The following KLHL6 variants were observed in gnomAD, a reference collection of about 807,000 sequenced individuals.
KLHL6 encodes the protein kelch like family member 6.
KLHL6 carries 41 observed loss-of-function variants against 58.6 expected under a neutral mutation model. That is an observed-to-expected ratio of 0.70 (90% CI 0.55 to 0.91). The LOEUF (loss-of-function observed/expected upper bound fraction) is 0.91. KLHL6 is among the 40% of genes least tolerant of loss of function. The probability of loss-of-function intolerance (pLI) is 0.00; values close to 1 mark genes in which losing one functional copy is unlikely to be tolerated. For synonymous variants in KLHL6, 338 were observed against 322.7 expected (o/e 1.05, Z -0.51); for missense variants, 714 against 805.6 (o/e 0.89, Z 1.38).
chr3:183,553,954 G>A (rs13097424), intron 1 of KLHL6, among the ~76,000 whole-genome samples: 262 of 144,494 alleles, frequency 1.8e-3, no homozygotes, highest in Non-Finnish European at 3.3e-3. Flanking sequence ...GAATTACAAA[G>A]AAACGTTTCC....
At chr3:183,510,786 A>G (rs1718160586) in intron 2 of KLHL6, among the ~76,000 whole-genome samples, 1 of 152,114 alleles carries the variant, frequency 6.6e-6, no homozygotes, top group Non-Finnish European at 1.5e-5. Context: ...CAGCAGGAGA[A>G]TGCTTGAACC....
chr3:183,505,570 A>G (rs1369304688), intron 3 of KLHL6, among the ~76,000 whole-genome samples: 1 of 152,198 alleles, frequency 6.6e-6, no homozygotes, highest in South Asian at 2.1e-4. Flanking sequence ...ACAGAAAAAC[A>G]ATAGAGAAAA....
chr3:183,498,310 C>T (rs535302825), intron 4 of KLHL6, among the ~76,000 whole-genome samples: 10 of 152,298 alleles, frequency 6.6e-5, no homozygotes, highest in Non-Finnish European at 1.0e-4. Context: ...GGTATAAATG[C>T]ATCCAAAGAA....
intron 2 of KLHL6, among the ~76,000 whole-genome samples, chr3:183,519,146 C>CCTGTAGCT (rs1463391236): frequency 1.1e-4 from 16 of 152,146 alleles, no homozygotes; most frequent in African/African-American, 3.9e-4. Flanking sequence ...CTCCACGTCC[C>CCTGTAGCT]CTGTAGCTCT....
intron 4 of KLHL6, among the ~76,000 whole-genome samples, chr3:183,495,820 T>C (rs986576610): frequency 1.3e-5 from 2 of 152,060 alleles, no homozygotes; most frequent in Admixed American, 6.5e-5. Flanking sequence ...AAATATACTA[T>C]AAAGCTATCC....
At chr3:183,544,722 A>C (rs1183671893) in intron 1 of KLHL6, 2 of 138,782 alleles carry the variant, frequency 1.4e-5, no homozygotes, top group Admixed American at 7.4e-5. Flanking sequence ...CCGCCTTTCT[A>C]TCTTCTGTCT....
intron 1 of KLHL6, among the ~76,000 whole-genome samples, chr3:183,535,272 A>G (rs957199296): frequency 1.3e-5 from 2 of 152,222 alleles, no homozygotes; most frequent in African/African-American, 2.4e-5. Flanking sequence ...AAAGCATCTC[A>G]GTGCAGAGTA....
At chr3:183,530,197 T>C (rs887674861) in intron 1 of KLHL6, among the ~76,000 whole-genome samples, 1 of 152,034 alleles carries the variant, frequency 6.6e-6, no homozygotes, top group Non-Finnish European at 1.5e-5. Flanking sequence ...ACTGAAAAAA[T>C]GTGAAAACAG....
At chr3:183,526,134 C>A (rs1180567807) in intron 2 of KLHL6, among the ~76,000 whole-genome samples, 2 of 151,978 alleles carry the variant, frequency 1.3e-5, no homozygotes, top group Non-Finnish European at 2.9e-5. Flanking sequence ...ATGGGGAAAC[C>A]CCCTCTCTAC....
In KLHL6 at chr3:183,499,847, C is replaced by T; in HGVS notation, c.910-20G>A. Reference sequence around the variant, plus strand: ...AATGATCTGGAAATCGATGGGGGTACATGAAGGCAGGGACAACACAAAGTT... The same window carrying T: ...AATGATCTGGAAATCGATGGGGGTATATGAAGGCAGGGACAACACAAAGTT... On this transcript the variant is annotated intron_variant, in intron 3 of 6. Coordinates refer to ENST00000341319, the MANE Select transcript of KLHL6 (RefSeq NM_130446.4). This position sits in a 1 kb window ranked among gnomAD's most constrained non-coding sequence, Gnocchi z 4.6. 6.5e-7 allele frequency: 1 copy of T among 1,544,276 alleles called. No homozygotes were observed. Among genetic ancestry groups the T allele is most frequent in the Non-Finnish European group, 8.8e-7 (1 of 1,139,620 alleles).
chr3:183,529,951 G>A (rs528962185), intron 1 of KLHL6, among the ~76,000 whole-genome samples: 4 of 152,222 alleles, frequency 2.6e-5, no homozygotes, highest in African/African-American at 9.6e-5. Flanking sequence ...GAATTCTCTT[G>A]CACGTGCTGC....
chr3:183,492,490 T>C lies in KLHL6; in HGVS notation c.1564+4A>G. ...ATTCAGACCAATAAGAAGCCATTAC[T>C]CACCAACGACATAGATGCGGTCCCG... On this transcript the variant is annotated splice_donor_region_variant and intron_variant, in intron 6 of 6. Transcript: ENST00000341319. The surrounding 1 kb of genome is among the most constrained non-coding windows in gnomAD (Gnocchi z 5.9). The C allele has an allele frequency of 6.2e-7, 1 of 1,614,090 alleles. No homozygotes were observed. Among genetic ancestry groups the C allele is most frequent in the South Asian group, 1.1e-5 (1 of 91,076 alleles).
intron 2 of KLHL6, among the ~76,000 whole-genome samples, chr3:183,514,742 C>T (rs943759728): frequency 1.3e-5 from 2 of 151,722 alleles, no homozygotes; most frequent in African/African-American, 2.4e-5. Context: ...GATCTCGGCT[C>T]ATTGCATCTT....
At chr3:183,511,102 T>A (rs931900731) in intron 2 of KLHL6, among the ~76,000 whole-genome samples, 1 of 152,150 alleles carries the variant, frequency 6.6e-6, no homozygotes, top group African/African-American at 2.4e-5. Context: ...TCAGTATTTA[T>A]TGATTACTAT....
intron 2 of KLHL6, chr3:183,520,752 C>T (rs1711729803): frequency 6.6e-6 from 1 of 152,186 alleles, no homozygotes. Flanking sequence ...GCATGTCTCA[C>T]CTCCAGCCAT....
intron 4 of KLHL6, among the ~76,000 whole-genome samples, chr3:183,494,623 T>C (rs1335262015): frequency 6.6e-6 from 1 of 152,190 alleles, no homozygotes; most frequent in East Asian, 1.9e-4. Context: ...GAGCCTGGAC[T>C]CAGTGTTTGC....
rs1244695808 is a variant in KLHL6, at chr3:183,554,606, A to T, written c.293+755T>A. 2.0e-5 allele frequency among the ~76,000 whole-genome samples: 3 copies of T among 152,178 alleles called. No homozygotes were observed. In the East Asian group the frequency reaches 5.8e-4, roughly 29 times the overall value. On this transcript the variant is annotated intron_variant, in intron 1 of 6. Coordinates refer to ENST00000341319, the MANE Select transcript of KLHL6 (RefSeq NM_130446.4). Reference sequence around the variant, plus strand: ...CTTTCCCTTTCCCCACACTGCCTACACATAAAGAAGCCCCTAATTTGTAAC... The same window carrying T: ...CTTTCCCTTTCCCCACACTGCCTACTCATAAAGAAGCCCCTAATTTGTAAC...
intron 1 of KLHL6, chr3:183,548,997 G>C (rs1025875015): frequency 2.0e-5 from 3 of 151,648 alleles, no homozygotes; most frequent in Non-Finnish European, 4.4e-5. Context: ...GCCTGTCGGC[G>C]GGTGGGGGAC....
chr3:183,544,163 C>CAAAAAAAAAA (rs56357226), intron 1 of KLHL6, among the ~76,000 whole-genome samples: 2 of 57,008 alleles, frequency 3.5e-5, no homozygotes, highest in African/African-American at 1.2e-4. Context: ...AACTCAGTCT[C>CAAAAAAAAAA]AAAAAAAAAA....
Sources: gnomAD v4.1 joint callset for allele counts (sites outside exome capture counted in the v4.1 genomes callset) on GRCh38, gnomAD v4.1.1 for gene constraint, Gnocchi (gnomAD v3.1) non-coding constraint, MANE v1.5 for transcripts, NCBI Gene and HGNC (gene_info 2026-07-23, HGNC 2026-07-21) for gene names.